The following OSBPL11 variants were observed in gnomAD, a reference collection of about 807,000 sequenced individuals.
OSBPL11 encodes oxysterol-binding protein-related protein 11.
A neutral mutation model predicts 84.4 loss-of-function variants in OSBPL11; 33 were observed. The observed-to-expected ratio is 0.39, with a 90% CI of 0.30 to 0.52. OSBPL11 has a LOEUF of 0.52. Among genes scored for constraint, OSBPL11 ranks in the 20% least tolerant of loss-of-function variants. The pLI is 0.72. For synonymous variants in OSBPL11, 276 were observed against 310.2 expected (o/e 0.89, Z 1.16); for missense variants, 736 against 901.1 (o/e 0.82, Z 2.35).
At chr3:125,560,283 T>C in intron 8 of OSBPL11, 96 bp downstream of exon 8, 1 of 1,162,850 alleles carries the variant, frequency 8.6e-7, no homozygotes, top group African/African-American at 1.6e-5. Flanking sequence ...AAATTAAAAT[T>C]TAAAAAGTAA....
At chr3:125,574,261 A>T (rs933403735) in intron 5 of OSBPL11, among the ~76,000 whole-genome samples, 4 of 151,892 alleles carry the variant, frequency 2.6e-5, no homozygotes, top group African/African-American at 4.8e-5. Flanking sequence ...ACCTGCCATG[A>T]ACTCACAGGA....
intron 1 of OSBPL11, among the ~76,000 whole-genome samples, chr3:125,587,248 A>C (rs1936527111): frequency 6.6e-6 from 1 of 152,244 alleles, no homozygotes; most frequent in Admixed American, 6.5e-5. Context: ...AGAAAGGACA[A>C]GAGCAACACT....
At chr3:125,567,963 C>T (rs1054317875) in intron 5 of OSBPL11, among the ~76,000 whole-genome samples, 1 of 146,722 alleles carries the variant, frequency 6.8e-6, no homozygotes, top group African/African-American at 2.5e-5. Flanking sequence ...CACTGAACTG[C>T]AGCCTGGGCA....
In OSBPL11 at chr3:125,552,678, A is replaced by G; in HGVS notation, c.1157T>C (p.Val386Ala). 6.2e-7 allele frequency: 1 copy of G among 1,607,672 alleles called. No individual in the cohort carries two copies. The change falls in exon 9 of 13, where the codon GTG (valine) becomes GCG (alanine). Residue 386 changes from valine (V) to alanine (A), a missense_variant and splice_region_variant. By Grantham distance (64) the Val-to-Ala change is moderately conservative. Around this residue, in one of 3 missense-constraint regions of OSBPL11, gnomAD observed 579 missense variants for 717.6 expected, o/e 0.81. Coordinates refer to ENST00000296220, the MANE Select transcript of OSBPL11 (RefSeq NM_022776.5). ...CTCTAGGATAAATGTAGGAAGCACC[A>G]CCTAAAACAACAATCAATGAAAGAG... The part of the protein sequence containing the change: ...QLKLGMDLTR[V>A]VLPTFILEKR...
chr3:125,590,834 TAG>T (rs1936585259), intron 1 of OSBPL11, among the ~76,000 whole-genome samples: 1 of 152,196 alleles, frequency 6.6e-6, no homozygotes, highest in Admixed American at 6.5e-5. Context: ...TCATTCCTTT[TAG>T]AGAGTTTATC....
At position 125,529,597 on chromosome 3, in the gene OSBPL11, A is replaced by G. The variant is rs1559831917; in HGVS notation, c.*918T>C. 1 of 152,660 alleles carries G rather than the reference A, an allele frequency of 6.6e-6. No homozygotes were observed. The highest frequency in any genetic ancestry group is 1.5e-5 in the Non-Finnish European group (1 of 68,034). The allele number at this position is 152,660 out of a possible 1,614,324, so 9.5% of individuals were successfully genotyped here. ...GCATACTTATCCAAAGGGATAACAC[A>G]TAATACTGGATATTAACCTAAAGGT... On this transcript the variant is annotated 3_prime_UTR_variant, in exon 13 of 13. Coordinates refer to ENST00000296220, the MANE Select transcript of OSBPL11 (RefSeq NM_022776.5).
chr3:125,544,218 G>A (rs1429322079), intron 10 of OSBPL11, among the ~76,000 whole-genome samples: 1 of 151,882 alleles, frequency 6.6e-6, no homozygotes, highest in Non-Finnish European at 1.5e-5. Context: ...ACCACGCCCA[G>A]CTATTTTTTG....
Position 125,559,570 on chromosome 3 carries a change from C to T in OSBPL11, c.1155+809G>A, listed in dbSNP as rs770468184. ...CTAATTTTTGTATTTTTAGTAGAGA[C>T]GGGGTTTCACCACATTGGCCAGGCT... On this transcript the variant is annotated intron_variant, in intron 8 of 12. Transcript: ENST00000296220. 5.3e-5 allele frequency among the ~76,000 whole-genome samples: 8 copies of T among 152,078 alleles called. No individual in the cohort carries two copies. In the South Asian group the frequency reaches 1.5e-3, roughly 28 times the overall value.
intron 6 of OSBPL11, among the ~76,000 whole-genome samples, chr3:125,566,092 G>A (rs1398924933): frequency 2.0e-5 from 3 of 152,046 alleles, no homozygotes; most frequent in Non-Finnish European, 2.9e-5. Context: ...TGCACCCTCC[G>A]CCTCCTGGGT....
intron 10 of OSBPL11, among the ~76,000 whole-genome samples, chr3:125,544,934 A>G (rs1406082874): frequency 1.3e-5 from 2 of 152,230 alleles, no homozygotes; most frequent in East Asian, 3.8e-4. Flanking sequence ...CTAAAGTAAG[A>G]ATAATTGATA....
intron 6 of OSBPL11, among the ~76,000 whole-genome samples, chr3:125,567,036 A>G (rs1936166270): frequency 6.6e-6 from 1 of 152,210 alleles, no homozygotes; most frequent in South Asian, 2.1e-4. Context: ...CTCAAAAAAT[A>G]ATGCCAAGGT....
intron 8 of OSBPL11, 25 bp from the exon 9 acceptor site, chr3:125,552,704 G>A: frequency 6.3e-7 from 1 of 1,594,666 alleles, no homozygotes; most frequent in African/African-American, 1.3e-5. Context: ...AATGAAAGAG[G>A]GGAAATTTAA....
At chr3:125,553,688 G>A (rs1366219736) in intron 8 of OSBPL11, among the ~76,000 whole-genome samples, 1 of 152,124 alleles carries the variant, frequency 6.6e-6, no homozygotes, top group Non-Finnish European at 1.5e-5. Flanking sequence ...AGAACAACCT[G>A]CATTTTAAAC....
Position 125,552,374 on chromosome 3 carries a change from T to C in OSBPL11, c.1461A>G (p.Leu487=). Residue 487 remains leucine, a synonymous_variant, in exon 9 of 13, where the codon TTA becomes TTG. Coordinates refer to ENST00000296220, the MANE Select transcript of OSBPL11 (RefSeq NM_022776.5). ...STQGVTNHAP[L]SGESLTQVGS... is the part of the protein sequence containing the mutation. ...CCACCTGGGTCAAAGACTCCCCCGA[T>C]AAAGGAGCATGATTTGTGACTCCCT... The C allele has an allele frequency of 1.2e-6, 2 of 1,614,086 alleles. No homozygotes were observed. Among genetic ancestry groups the C allele is most frequent in the Non-Finnish European group, 1.7e-6 (2 of 1,180,002 alleles).
intron 5 of OSBPL11, among the ~76,000 whole-genome samples, chr3:125,573,474 T>C (rs984784200): frequency 6.6e-6 from 1 of 152,128 alleles, no homozygotes; most frequent in African/African-American, 2.4e-5. Flanking sequence ...GTAGTACTAA[T>C]AAGAAAGAGT....
At chr3:125,576,681 A>ATT (rs56251260) in intron 4 of OSBPL11, among the ~76,000 whole-genome samples, 10 of 146,680 alleles carry the variant, frequency 6.8e-5, no homozygotes, top group Non-Finnish European at 1.2e-4. Flanking sequence ...AACACCATGA[A>ATT]TTTTTTTTTT....
At chr3:125,546,901 C>CA (rs34621695) in intron 10 of OSBPL11, among the ~76,000 whole-genome samples, 1,916 of 140,658 alleles carry the variant, frequency 0.014, 43 homozygotes, top group Admixed American at 0.046. Flanking sequence ...AAACAAATGA[C>CA]AAAAAAAAAA....
intron 9 of OSBPL11, 103 bp downstream of exon 9, chr3:125,552,070 TGTTCTAAA>T: frequency 1.7e-6 from 1 of 602,050 alleles, no homozygotes; most frequent in Non-Finnish European, 2.3e-6. Flanking sequence ...CTTTCTTTCC[TGTTCTAAA>T]GCCTTTTAAA....
At chr3:125,584,067 C>T (rs544458616) in intron 1 of OSBPL11, among the ~76,000 whole-genome samples, 2 of 152,056 alleles carry the variant, frequency 1.3e-5, no homozygotes, top group East Asian at 3.9e-4. Flanking sequence ...CTCAGCTTCC[C>T]GAAAAACTTA....
Sources: gnomAD v4.1 joint callset for allele counts (sites outside exome capture counted in the v4.1 genomes callset) on GRCh38, gnomAD v4.1.1 for gene constraint, gnomAD v4.1.1 regional missense constraint, MANE v1.5 for transcripts, NCBI Gene and HGNC (gene_info 2026-07-23, HGNC 2026-07-21) for gene names.